Variants in TNIP1 observed in about 807,000 individuals in gnomAD.
TNIP1 encodes TNFAIP3-interacting protein 1.
In TNIP1, 22 loss-of-function variants were observed where a neutral mutation model predicts 86.6. That is an observed-to-expected ratio of 0.25 (90% CI 0.18 to 0.36). The LOEUF (loss-of-function observed/expected upper bound fraction) is 0.36, where lower values mean the gene tolerates loss of function less well. Ranked by LOEUF, TNIP1 falls within the 10% of genes least tolerant of loss-of-function variation. TNIP1 has a pLI of 1.00. For missense variants in TNIP1, 709 were observed against 820.6 expected (o/e 0.86, Z 1.66); for synonymous variants, 294 against 313.0 (o/e 0.94, Z 0.64).
intron 1 of TNIP1, among the ~76,000 whole-genome samples, chr5:151,079,070 C>T (rs1161581374): frequency 1.3e-5 from 2 of 152,164 alleles, no homozygotes; most frequent in African/African-American, 4.8e-5. Flanking sequence ...CATGGAACAC[C>T]CAAGGCTGGG....
At chr5:151,047,222 G>A (rs768195369) in intron 8 of TNIP1, among the ~76,000 whole-genome samples, 25 of 152,190 alleles carry the variant, frequency 1.6e-4, no homozygotes, top group Non-Finnish European at 3.2e-4. Context: ...TGCACACTCT[G>A]ATGTACACAG....
intron 6 of TNIP1, among the ~76,000 whole-genome samples, chr5:151,055,746 C>T (rs1334414382): frequency 6.6e-6 from 1 of 152,216 alleles, no homozygotes; most frequent in South Asian, 2.1e-4. Context: ...TGCCTGCTGA[C>T]ATGAATGAGA....
chr5:151,059,779 C>CAGAGAGAGAG (rs55637016), intron 5 of TNIP1, among the ~76,000 whole-genome samples: 1,308 of 67,272 alleles, frequency 0.019, 57 homozygotes, highest in Middle Eastern at 0.035. Context: ...GTACGAGAGA[C>CAGAGAGAGAG]AGAGAGAGAG....
In TNIP1 at chr5:151,032,325, T is replaced by C; in HGVS notation, c.1838A>G (p.Gln613Arg). The change falls in exon 17 of 18, where the codon CAA (glutamine) becomes CGA (arginine). Residue 613 changes from glutamine (Q) to arginine (R), a missense_variant. Physicochemically the swap from Gln to Arg is conservative, Grantham distance 43. Coordinates refer to ENST00000521591, the MANE Select transcript of TNIP1 (RefSeq NM_006058.5). Reference sequence around the variant, plus strand: ...CCTGGCTGTGGGAGGGTCCATCACTTGGGAGCTCTGATTTGGATTTCGAAC... The same window carrying C: ...CCTGGCTGTGGGAGGGTCCATCACTCGGGAGCTCTGATTTGGATTTCGAAC... ...GGVRNPNQSS[Q>R]VMDPPTARPT... 2 of 1,614,088 alleles carry C rather than the reference T, an allele frequency of 1.2e-6. No homozygotes were observed. The highest frequency in any genetic ancestry group is 1.7e-6 in the Non-Finnish European group (2 of 1,179,972).
chr5:151,053,040 G>A (rs954007318), intron 6 of TNIP1, among the ~76,000 whole-genome samples: 4 of 149,932 alleles, frequency 2.7e-5, no homozygotes, highest in South Asian at 2.1e-4. Context: ...ATGCCCTCAC[G>A]CCCTCACAAT....
upstream of TNIP1, among the ~76,000 whole-genome samples, chr5:151,085,278 G>A (rs1407808496): frequency 6.6e-6 from 1 of 152,186 alleles, no homozygotes; most frequent in Admixed American, 6.5e-5. Context: ...TCAGAGGGTG[G>A]TGACAATCAA....
chr5:151,060,266 A>G (rs927698454), intron 5 of TNIP1, 52 bp downstream of exon 5: 3 of 1,589,320 alleles, frequency 1.9e-6, no homozygotes, highest in Admixed American at 1.7e-5. Flanking sequence ...AGCAAGTGAC[A>G]GGACACAAAG....
intron 8 of TNIP1, among the ~76,000 whole-genome samples, chr5:151,048,215 G>C (rs1210384645): frequency 1.3e-5 from 2 of 152,182 alleles, no homozygotes; most frequent in East Asian, 1.9e-4. Context: ...CCAGGCTCTA[G>C]GGTGGTGCAC....
downstream of TNIP1, chr5:151,029,943 T>G (rs767300377): frequency 9.7e-6 from 4 of 411,904 alleles, no homozygotes; most frequent in Non-Finnish European, 2.0e-5. Context: ...TGAGTCAGAA[T>G]GTTGATCTTC....
intron 11 of TNIP1, among the ~76,000 whole-genome samples, chr5:151,040,237 T>A (rs1758248255): frequency 6.6e-6 from 1 of 152,234 alleles, no homozygotes; most frequent in African/African-American, 2.4e-5. Context: ...AGTGGTTCCC[T>A]CTAGGGAGGG....
intron 1 of TNIP1, among the ~76,000 whole-genome samples, chr5:151,086,444 C>T (rs1764280455): frequency 6.6e-6 from 1 of 152,102 alleles, no homozygotes; most frequent in Admixed American, 6.5e-5. Flanking sequence ...TCCTTTTGCT[C>T]CAGTGTTAAG....
At chr5:151,039,810 G>A (rs1439420958) in intron 11 of TNIP1, among the ~76,000 whole-genome samples, 1 of 152,248 alleles carries the variant, frequency 6.6e-6, no homozygotes, top group East Asian at 1.9e-4. Flanking sequence ...ATAAGGCAGA[G>A]AGTGCTCCTC....
upstream of TNIP1, among the ~76,000 whole-genome samples, chr5:151,081,473 A>G (rs1764021522): frequency 6.6e-6 from 1 of 152,162 alleles, no homozygotes; most frequent in Non-Finnish European, 1.5e-5. Flanking sequence ...AGGCCCCCAG[A>G]GTTCCGTCCA....
chr5:151,042,952 C>T lies in TNIP1; in HGVS notation c.946G>A (p.Val316Met), dbSNP rs1393418399. The change falls in exon 10 of 18, where the codon GTG becomes ATG. Residue 316 changes from valine to methionine, a missense_variant. By Grantham distance (21) the Val-to-Met change is conservative. Transcript: ENST00000521591. The stretch of plus-strand genomic sequence containing the variant: ...AAATGCTGGTCCCACTGCTTGTTCA[C>T]TTCCAGCAGCTGTGGGGAGAGACTG... ...LEQQRSELLE[V>M]NKQWDQHFRS... is the part of the protein sequence containing the mutation. The T allele has an allele frequency of 6.2e-7, 1 of 1,614,228 alleles. No homozygotes were observed. Among genetic ancestry groups the T allele is most frequent in the Non-Finnish European group, 8.5e-7 (1 of 1,180,030 alleles).
At chr5:151,067,511 A>G (rs1762373312) in intron 1 of TNIP1, among the ~76,000 whole-genome samples, 1 of 152,218 alleles carries the variant, frequency 6.6e-6, no homozygotes, top group South Asian at 2.1e-4. Context: ...AGGGGCCTGG[A>G]GCCACCTTGC....
intron 16 of TNIP1, 171 bp from the exon 17 acceptor site, chr5:151,032,554 T>C: frequency 1.5e-6 from 1 of 674,988 alleles, no homozygotes; most frequent in Non-Finnish European, 2.6e-6. Context: ...TCAGAGGGGA[T>C]AACTTGCTGA....
chr5:151,051,631 A>G (rs555927099), intron 7 of TNIP1, among the ~76,000 whole-genome samples: 1 of 152,302 alleles, frequency 6.6e-6, no homozygotes, highest in East Asian at 1.9e-4. Flanking sequence ...GTTCATAATC[A>G]CAGAGACTCC....
intron 1 of TNIP1, among the ~76,000 whole-genome samples, chr5:151,067,653 G>C (rs1329940200): frequency 1.3e-5 from 2 of 152,224 alleles, no homozygotes; most frequent in African/African-American, 2.4e-5. Flanking sequence ...TAGATTAGAG[G>C]CTGCATGAGG....
chr5:151,071,641 G>C (rs367828312), intron 1 of TNIP1, among the ~76,000 whole-genome samples: 3 of 151,988 alleles, frequency 2.0e-5, no homozygotes, highest in Non-Finnish European at 4.4e-5. Flanking sequence ...TCCCCTCCCC[G>C]AGGGCAGTCA....
Sources: allele counts gnomAD v4.1 joint callset (sites outside exome capture counted in the v4.1 genomes callset), GRCh38; gene constraint gnomAD v4.1.1; transcripts MANE v1.5; gene names NCBI Gene and HGNC (gene_info 2026-07-23, HGNC 2026-07-21).